The following XPR1 variants were observed in gnomAD, a reference collection of about 807,000 sequenced individuals.
XPR1 encodes solute carrier family 53 member 1.
In XPR1, 28 loss-of-function variants were observed where a neutral mutation model predicts 87.5. The observed-to-expected ratio is 0.32, with a 90% CI of 0.24 to 0.44. The LOEUF is 0.44. Among genes scored for constraint, XPR1 ranks in the 20% least tolerant of loss-of-function variants. XPR1 has a pLI of 1.00. For missense variants in XPR1, 559 were observed against 862.3 expected (o/e 0.65, Z 4.41); for synonymous variants, 300 against 306.1 (o/e 0.98, Z 0.21).
intron 2 of XPR1, among the ~76,000 whole-genome samples, chr1:180,737,203 C>A (rs1444058100): frequency 6.6e-6 from 1 of 152,112 alleles, no homozygotes; most frequent in Non-Finnish European, 1.5e-5. Context: ...GTCATCATGG[C>A]AGTTTTGCTT....
At chr1:180,792,904 T>TAA (rs111352180) in intron 3 of XPR1, among the ~76,000 whole-genome samples, 1 of 151,188 alleles carries the variant, frequency 6.6e-6, no homozygotes, top group African/African-American at 2.4e-5. Flanking sequence ...TGCCTAATGT[T>TAA]AAAAAAAAAG....
intron 1 of XPR1, among the ~76,000 whole-genome samples, chr1:180,649,317 A>T (rs377470145): frequency 6.6e-5 from 10 of 151,966 alleles, no homozygotes; most frequent in East Asian, 5.8e-4. Flanking sequence ...CTGTAGTCCC[A>T]GCTACTCGGG....
chr1:180,685,454 T>G (rs537716409), intron 2 of XPR1, among the ~76,000 whole-genome samples: 174 of 152,242 alleles, frequency 1.1e-3, no homozygotes, highest in African/African-American at 3.3e-3. Context: ...TCTCTTTTTT[T>G]GTTGTGTCTC....
intron 11 of XPR1, among the ~76,000 whole-genome samples, chr1:180,858,300 T>C (rs1652101743): frequency 6.6e-6 from 1 of 152,216 alleles, no homozygotes; most frequent in Non-Finnish European, 1.5e-5. Context: ...ATTATTTTCC[T>C]CAGCCCACTT....
At chr1:180,706,330 T>C (rs1571747081) in intron 2 of XPR1, among the ~76,000 whole-genome samples, 1 of 152,302 alleles carries the variant, frequency 6.6e-6, no homozygotes, top group Admixed American at 6.5e-5. Flanking sequence ...TATGGTCCCA[T>C]TGAGTTTCCG....
At chr1:180,708,882 T>TAA (rs1343734148) in intron 2 of XPR1, among the ~76,000 whole-genome samples, 1 of 139,082 alleles carries the variant, frequency 7.2e-6, no homozygotes, top group African/African-American at 2.7e-5. Flanking sequence ...TGTAGTCTTA[T>TAA]AAGCATGTAA....
intron 2 of XPR1, among the ~76,000 whole-genome samples, chr1:180,697,412 T>G (rs1467385360): frequency 6.6e-6 from 1 of 152,028 alleles, no homozygotes; most frequent in Non-Finnish European, 1.5e-5. Flanking sequence ...AAACTTTATT[T>G]TGCTGATTGT....
At chr1:180,698,538 T>C (rs1657245173) in intron 2 of XPR1, among the ~76,000 whole-genome samples, 1 of 152,182 alleles carries the variant, frequency 6.6e-6, no homozygotes. Context: ...GGTTTGGTGG[T>C]TTTCTGTAGT....
chr1:180,766,829 A>G (rs1011160324), intron 2 of XPR1, among the ~76,000 whole-genome samples: 1 of 152,172 alleles, frequency 6.6e-6, no homozygotes, highest in African/African-American at 2.4e-5. Context: ...ATAGTGAAAC[A>G]GTGATCTATA....
At chr1:180,689,774 A>G (rs1656917327) in intron 2 of XPR1, among the ~76,000 whole-genome samples, 1 of 152,198 alleles carries the variant, frequency 6.6e-6, no homozygotes, top group South Asian at 2.1e-4. Context: ...TAAGACGTTA[A>G]TGATAGGGGC....
chr1:180,678,192 G>A (rs1381741513), intron 1 of XPR1, among the ~76,000 whole-genome samples: 3 of 152,228 alleles, frequency 2.0e-5, no homozygotes, highest in Non-Finnish European at 4.4e-5. Flanking sequence ...GAACCTTGAT[G>A]TTTAAGGGTT....
In XPR1 at chr1:180,706,811, G is replaced by A. The variant is rs574206758; in HGVS notation, c.121+24400G>A. 3.8e-4 allele frequency among the ~76,000 whole-genome samples: 57 copies of A among 151,954 alleles called. 3 individuals carry two copies. The South Asian group carries it at 0.01, about 27-fold the overall frequency. On this transcript the variant is annotated intron_variant, in intron 2 of 14. Coordinates refer to ENST00000367590, the MANE Select transcript of XPR1 (RefSeq NM_004736.4). ...TATTTTTTATTTTTAGTAGAGACAG[G>A]ATTTTACCATGTTGGCCAGGCTGGT...
At chr1:180,656,529 ATT>A (rs1655520054) in intron 1 of XPR1, among the ~76,000 whole-genome samples, 2 of 88,384 alleles carry the variant, frequency 2.3e-5, no homozygotes, top group African/African-American at 1.0e-4. Context: ...ATATTTATAT[ATT>A]ATATATAATA....
intron 2 of XPR1, among the ~76,000 whole-genome samples, chr1:180,764,381 C>T (rs184536506): frequency 1.3e-5 from 2 of 152,002 alleles, no homozygotes; most frequent in Non-Finnish European, 1.5e-5. Flanking sequence ...AAACCTGAAA[C>T]ACTTCTAGTC....
chr1:180,764,138 A>G (rs1360536985), intron 2 of XPR1, among the ~76,000 whole-genome samples: 5 of 152,216 alleles, frequency 3.3e-5, no homozygotes, highest in Admixed American at 2.6e-4. Flanking sequence ...CCAAACAACC[A>G]CAGATCATTT....
rs747534605 is a variant in XPR1 at position 180,825,238 on chromosome 1, C to G, written c.1028C>G (p.Pro343Arg). 1 of 1,613,936 alleles carries G rather than the reference C, an allele frequency of 6.2e-7. No individual in the cohort carries two copies. Among genetic ancestry groups the G allele is most frequent in the Non-Finnish European group, 8.5e-7 (1 of 1,179,982 alleles). Residue 343 changes from proline (P) to arginine (R), a missense_variant, in exon 9 of 15, where the codon CCC becomes CGC. Physicochemically the swap from Pro to Arg is moderately radical, Grantham distance 103. Coordinates refer to ENST00000367590, the MANE Select transcript of XPR1 (RefSeq NM_004736.4). ...ACFFAPISVI[P>R]TYVYPLALYG... ...TTCTTTGCTCCAATTAGTGTCATCC[C>G]CACATATGTGTATCCACTTGCCCTT... is the stretch of plus-strand genomic sequence containing the variant.
At chr1:180,801,592 AAGAG>A (rs751378650) in intron 3 of XPR1, among the ~76,000 whole-genome samples, 1 of 152,180 alleles carries the variant, frequency 6.6e-6, no homozygotes, top group Non-Finnish European at 1.5e-5. Context: ...CTCTAGGAGA[AAGAG>A]AGAGTGAATC....
intron 6 of XPR1, 114 bp downstream of exon 6, chr1:180,806,671 C>A: frequency 1.2e-6 from 1 of 804,958 alleles, no homozygotes; most frequent in South Asian, 2.4e-5. Flanking sequence ...TAAGTAGTTG[C>A]TATTTTTCTT....
intron 11 of XPR1, among the ~76,000 whole-genome samples, chr1:180,848,128 AAGTAATT>A (rs1651748920): frequency 6.6e-6 from 1 of 152,170 alleles, no homozygotes; most frequent in Non-Finnish European, 1.5e-5. Flanking sequence ...GATCAGATCA[AAGTAATT>A]AGGATATCCA....
Sources: allele counts gnomAD v4.1 joint callset (sites outside exome capture counted in the v4.1 genomes callset), GRCh38; gene constraint gnomAD v4.1.1; transcripts MANE v1.5; gene names NCBI Gene and HGNC (gene_info 2026-07-23, HGNC 2026-07-21).